AHCYL2: variants seen among roughly 807,000 people sequenced by gnomAD.
AHCYL2 encodes the protein adenosylhomocysteinase like 2.
In AHCYL2, 28 loss-of-function variants were observed where a neutral mutation model predicts 81.4. The ratio of observed to expected loss-of-function variants is 0.34; its 90% CI spans 0.25 to 0.47. AHCYL2 has a LOEUF of 0.47. Ranked by LOEUF, AHCYL2 falls within the 20% of genes least tolerant of loss-of-function variation. The pLI is 1.00. For missense variants in AHCYL2, 551 were observed against 785.1 expected (o/e 0.70, Z 3.56); for synonymous variants, 272 against 290.2 (o/e 0.94, Z 0.64).
In AHCYL2 at chr7:129,305,161, A is replaced by G. The variant is rs548229365; in HGVS notation, c.364-74477A>G. ...GTATAAACAGACAAGCAAAAAAACT[A>G]ATAAAAACTTTATACTTAGGCCGGG... On this transcript the variant is annotated intron_variant, in intron 1 of 16. Transcript: ENST00000325006. Among the ~76,000 whole-genome samples the G allele has an allele frequency of 3.5e-4, 54 of 152,336 alleles. 2 individuals carry two copies. The South Asian group carries it at 0.011, about 31-fold the overall frequency.
intron 1 of AHCYL2, among the ~76,000 whole-genome samples, chr7:129,291,787 AGTAGAGACGGG>A (rs1554476045): frequency 1.3e-5 from 2 of 151,660 alleles, no homozygotes; most frequent in Non-Finnish European, 1.5e-5. Flanking sequence ...TTGTATTTTT[AGTAGAGACGGG>A]GTTTCACCGT....
chr7:129,233,109 C>T (rs1314881922), intron 1 of AHCYL2, among the ~76,000 whole-genome samples: 2 of 152,202 alleles, frequency 1.3e-5, no homozygotes, highest in Admixed American at 6.5e-5. Flanking sequence ...GCATAATCAG[C>T]ATTACCTAGC....
chr7:129,252,731 C>T (rs894945226), intron 1 of AHCYL2, among the ~76,000 whole-genome samples: 2 of 152,112 alleles, frequency 1.3e-5, no homozygotes, highest in African/African-American at 2.4e-5. Context: ...CGTGCCACTG[C>T]ACTCCAGCCT....
chr7:129,301,867 T>C (rs1160511574), intron 1 of AHCYL2, among the ~76,000 whole-genome samples: 3 of 142,356 alleles, frequency 2.1e-5, no homozygotes, highest in Non-Finnish European at 4.7e-5. Context: ...TCTATATAAA[T>C]TTTAGGATTT....
rs559909291 is a variant in AHCYL2, at chr7:129,359,447, A to G, written c.364-20191A>G. 2.2e-4 allele frequency among the ~76,000 whole-genome samples: 33 copies of G among 152,210 alleles called. No homozygotes were observed. The South Asian group carries it at 5.6e-3, about 26-fold the overall frequency. ...TTGCATAGGTGTGTTAACTTTTGAA[A>G]TTTTATCAAGCTGTAGCTTTGTTAT... On this transcript the variant is annotated intron_variant, in intron 1 of 16. Transcript: ENST00000325006.
At chr7:129,389,933 T>C (rs539865201) in intron 4 of AHCYL2, among the ~76,000 whole-genome samples, 199 bp downstream of exon 4, 7 of 152,326 alleles carry the variant, frequency 4.6e-5, no homozygotes, top group Admixed American at 1.3e-4. Context: ...CTTAAGATAT[T>C]TGTTTAAGGT....
chr7:129,418,031 C>T (rs1223093318), intron 12 of AHCYL2, among the ~76,000 whole-genome samples: 1 of 152,128 alleles, frequency 6.6e-6, no homozygotes, highest in African/African-American at 2.4e-5. Context: ...GCAAGCCATC[C>T]GAGCATTCTG....
At chr7:129,369,205 G>A (rs941208647) in intron 1 of AHCYL2, among the ~76,000 whole-genome samples, 29 of 134,718 alleles carry the variant, frequency 2.2e-4, no homozygotes, top group Non-Finnish European at 3.4e-4. Context: ...ATATTGGATC[G>A]AATTTCAACT....
chr7:129,405,441 G>T, intron 8 of AHCYL2: 1 of 366,050 alleles, frequency 2.7e-6, no homozygotes, highest in Non-Finnish European at 4.8e-6. Context: ...ATAAATGTAT[G>T]TTGCTTTTAT....
At chr7:129,329,564 C>T (rs1001858861) in intron 1 of AHCYL2, among the ~76,000 whole-genome samples, 2 of 152,176 alleles carry the variant, frequency 1.3e-5, no homozygotes, top group African/African-American at 4.8e-5. Flanking sequence ...TGTGATATTA[C>T]ACCAAGGCAG....
intron 1 of AHCYL2, among the ~76,000 whole-genome samples, chr7:129,296,611 G>T (rs1483708315): frequency 6.6e-6 from 1 of 152,150 alleles, no homozygotes; most frequent in Non-Finnish European, 1.5e-5. Flanking sequence ...TTGGGAGGCT[G>T]ACGTAGGAGG....
chr7:129,264,631 C>A (rs1795755733), intron 1 of AHCYL2, among the ~76,000 whole-genome samples: 1 of 152,168 alleles, frequency 6.6e-6, no homozygotes, highest in Non-Finnish European at 1.5e-5. Context: ...GGAGATGGAA[C>A]AGTTTCTAGT....
At chr7:129,256,540 C>CCT in intron 1 of AHCYL2, among the ~76,000 whole-genome samples, 3 of 15,038 alleles carry the variant, frequency 2.0e-4, no homozygotes, top group Non-Finnish European at 1.3e-3. Context: ...TTCCCGCCCC[C>CCT]CACCCCCCAC....
At chr7:129,243,966 AT>A (rs1794957535) in intron 1 of AHCYL2, among the ~76,000 whole-genome samples, 1 of 151,064 alleles carries the variant, frequency 6.6e-6, no homozygotes, top group Non-Finnish European at 1.5e-5. Context: ...ATTTTATTTT[AT>A]TTTATTTTAT....
intron 5 of AHCYL2, 97 bp downstream of exon 5, chr7:129,397,421 A>AG (rs1398346867): frequency 8.3e-7 from 1 of 1,212,082 alleles, no homozygotes; most frequent in Non-Finnish European, 1.2e-6. Flanking sequence ...TGACAATAAA[A>AG]GAACTATCTT....
chr7:129,240,225 A>C (rs928730491), intron 1 of AHCYL2, among the ~76,000 whole-genome samples: 8 of 151,190 alleles, frequency 5.3e-5, no homozygotes, highest in African/African-American at 2.0e-4. Context: ...CCTCAAAAAA[A>C]AAAAAGAATC....
intron 1 of AHCYL2, among the ~76,000 whole-genome samples, chr7:129,314,566 A>C (rs2694590): frequency 0.88 from 133,832 of 152,240 alleles, 59,181 homozygotes; most frequent in East Asian, 0.98. Context: ...GCCATCCTCT[A>C]GCCATGTCCT....
chr7:129,300,888 G>A (rs189197537), intron 1 of AHCYL2, among the ~76,000 whole-genome samples: 113 of 152,246 alleles, frequency 7.4e-4, no homozygotes, highest in African/African-American at 2.5e-3. Context: ...AGGCTGGAGC[G>A]CAGTGGCACA....
At chr7:129,399,938 C>G (rs1345142478) in intron 5 of AHCYL2, among the ~76,000 whole-genome samples, 3 of 152,074 alleles carry the variant, frequency 2.0e-5, no homozygotes, top group Non-Finnish European at 2.9e-5. Context: ...GTTGGCCAGG[C>G]TGGCCTTGAA....
Sources: gnomAD v4.1 joint callset for allele counts (sites outside exome capture counted in the v4.1 genomes callset) on GRCh38, gnomAD v4.1.1 for gene constraint, MANE v1.5 for transcripts, NCBI Gene and HGNC (gene_info 2026-07-23, HGNC 2026-07-21) for gene names.